DOCK5: variants seen among roughly 807,000 people sequenced by gnomAD.
The protein encoded by DOCK5 is dedicator of cytokinesis 5.
Under a neutral mutation model 251.8 loss-of-function variants are expected in DOCK5, and 142 were observed. That is an observed-to-expected ratio of 0.56 (90% CI 0.49 to 0.65). DOCK5 has a LOEUF of 0.65. DOCK5 is among the 30% of genes least tolerant of loss of function. DOCK5 has a pLI of 0.00. For synonymous variants in DOCK5, 842 were observed against 835.5 expected (o/e 1.01, Z -0.13); for missense variants, 2,111 against 2,312.3 (o/e 0.91, Z 1.79).
intron 2 of DOCK5, among the ~76,000 whole-genome samples, chr8:25,249,327 T>C (rs1170961013): frequency 1.3e-5 from 2 of 152,192 alleles, no homozygotes; most frequent in Admixed American, 6.5e-5. Context: ...TTGTTTTTAA[T>C]AACAGCTTTC....
chr8:25,389,301 A>G, intron 41 of DOCK5, 69 bp downstream of exon 41: 1 of 1,558,278 alleles, frequency 6.4e-7, no homozygotes, highest in South Asian at 1.2e-5. Flanking sequence ...TAAGCCAGAG[A>G]ACATAGGAGC....
rs1483861969 is a variant in DOCK5 at position 25,407,965 on chromosome 8, C to T, written c.5094-18C>T. Reference sequence around the variant, plus strand: ...GTGATCAGTATTTGTGATGTTTGTCCTTGTTCCTGGCCAATAGCTCAATCT... The same window carrying T: ...GTGATCAGTATTTGTGATGTTTGTCTTTGTTCCTGGCCAATAGCTCAATCT... On this transcript the variant is annotated intron_variant, in intron 48 of 51. Coordinates refer to ENST00000276440, the MANE Select transcript of DOCK5 (RefSeq NM_024940.8). 1.9e-6 allele frequency: 3 copies of T among 1,604,456 alleles called. No individual in the cohort carries two copies. Among genetic ancestry groups the T allele is most frequent in the Non-Finnish European group, 2.6e-6 (3 of 1,175,506 alleles).
intron 1 of DOCK5, among the ~76,000 whole-genome samples, chr8:25,232,943 A>AT (rs1036880303): frequency 7.2e-5 from 11 of 151,858 alleles, no homozygotes; most frequent in South Asian, 4.2e-4. Flanking sequence ...TTTTCCAGTG[A>AT]TTTTTTTCTT....
chr8:25,370,706 C>T (rs1033412014), intron 34 of DOCK5, among the ~76,000 whole-genome samples: 5 of 152,078 alleles, frequency 3.3e-5, no homozygotes, highest in Non-Finnish European at 2.9e-5. Flanking sequence ...GGGGTCTTGC[C>T]GTGTTGCCAA....
At chr8:25,410,310 C>T (rs1364394019) in intron 51 of DOCK5, 108 bp downstream of exon 51, 2 of 873,784 alleles carry the variant, frequency 2.3e-6, no homozygotes, top group African/African-American at 1.7e-5. Context: ...AGACCTGTCA[C>T]TGCAGTCGAT....
intron 17 of DOCK5, among the ~76,000 whole-genome samples, chr8:25,324,684 T>A (rs1391061208): frequency 2.0e-5 from 3 of 152,220 alleles, no homozygotes; most frequent in African/African-American, 7.2e-5. Context: ...AGGGTACATG[T>A]GCACAACGTG....
chr8:25,306,521 T>C (rs6992630), intron 11 of DOCK5, among the ~76,000 whole-genome samples: 15,910 of 151,972 alleles, frequency 0.1, 1,083 homozygotes, highest in Middle Eastern at 0.16. Context: ...GGTGAAACCC[T>C]GTCTCTACTA....
rs372716834 is a variant in DOCK5 at position 25,374,886 on chromosome 8, C to A, written c.3816+232C>A. ...TAGAAAGCAGAGCACGACTTATGAACCTTTGGTAATTGACACTCTAATTAA... is the reference window on the plus strand; with the variant it reads ...TAGAAAGCAGAGCACGACTTATGAAACTTTGGTAATTGACACTCTAATTAA... On this transcript the variant is annotated intron_variant, in intron 37 of 51. Transcript: ENST00000276440. The A allele has an allele frequency of 8.9e-6, 12 of 1,342,906 alleles. No homozygotes were observed. The East Asian group carries it at 9.6e-5, about 11-fold the overall frequency. The allele number at this position is 1,342,906 out of a possible 1,614,324, so 83.2% of individuals were successfully genotyped here. A position where few individuals can be genotyped will look rare whatever the true frequency, so the allele number is the denominator to read the frequency against.
intron 2 of DOCK5, among the ~76,000 whole-genome samples, chr8:25,259,697 G>A (rs1383244839): frequency 6.6e-6 from 1 of 152,180 alleles, no homozygotes; most frequent in African/African-American, 2.4e-5. Flanking sequence ...CTGTCCTCAA[G>A]CGATCCTCCT....
At chr8:25,362,622 A>G (rs1465255984) in intron 28 of DOCK5, among the ~76,000 whole-genome samples, 1 of 151,364 alleles carries the variant, frequency 6.6e-6, no homozygotes, top group African/African-American at 2.4e-5. Context: ...ATACACCACC[A>G]TGCCCGGCAA....
rs1364255413 is a variant in DOCK5, at chr8:25,369,580, C to G, written c.3463C>G (p.Leu1155Val). The G allele has an allele frequency of 6.2e-7, 1 of 1,611,496 alleles. No individual in the cohort carries two copies. The highest frequency in any genetic ancestry group is 1.7e-5 in the Admixed American group (1 of 59,646). Reference protein sequence around the residue: ...HMFENELITKLDQEVEGGRGD... With the variant: ...HMFENELITKVDQEVEGGRGD... ...GTTTGAGAATGAGCTGATCACAAAGCTGGACCAGGAGGTAGAAGGGGGCAG... is the reference window on the plus strand; with the variant it reads ...GTTTGAGAATGAGCTGATCACAAAGGTGGACCAGGAGGTAGAAGGGGGCAG... The change falls in exon 34 of 52, where the codon CTG becomes GTG. Residue 1155 changes from leucine (L) to valine (V), a missense_variant. Leu to Val is a conservative substitution (Grantham distance 32). Around this residue, in one of 3 missense-constraint regions of DOCK5, gnomAD observed 1,717 missense variants for 1,892.4 expected, o/e 0.91. Transcript: ENST00000276440.
chr8:25,197,851 C>T (rs907729152), intron 1 of DOCK5, among the ~76,000 whole-genome samples: 3 of 150,512 alleles, frequency 2.0e-5, no homozygotes, highest in South Asian at 4.2e-4. Flanking sequence ...CCCTGTTTCA[C>T]GCCATTCTCC....
rs1801681297 is a variant in DOCK5, at chr8:25,414,685, AAGAT to A, written c.*3391_*3394del. 1 of 152,156 alleles carries A rather than the reference AAGAT, an allele frequency of 6.6e-6. No individual in the cohort carries two copies. The highest frequency in any genetic ancestry group is 2.4e-5 in the African/African-American group (1 of 41,420). The allele number at this position is 152,156 out of a possible 1,614,324, so 9.4% of individuals were successfully genotyped here. The stretch of plus-strand genomic sequence containing the variant: ...GCTATTTGCCCACATCCGTGCCTCT[AAGAT>A]AGAGACATACACTGTTTTCAGCACC... On this transcript the variant is annotated 3_prime_UTR_variant, in exon 52 of 52. Coordinates refer to ENST00000276440, the MANE Select transcript of DOCK5 (RefSeq NM_024940.8).
At chr8:25,399,871 G>A in intron 45 of DOCK5, 40 bp from the exon 46 acceptor site, 2 of 1,489,934 alleles carry the variant, frequency 1.3e-6, no homozygotes, top group Non-Finnish European at 1.9e-6. Context: ...GCACAGATAG[G>A]AATGTGTTCT....
chr8:25,371,267 G>GTC (rs1353419420), intron 34 of DOCK5, among the ~76,000 whole-genome samples: 1 of 152,110 alleles, frequency 6.6e-6, no homozygotes, highest in East Asian at 1.9e-4. Flanking sequence ...GGCCAGGGTG[G>GTC]TCTCCATCTC....
intron 2 of DOCK5, among the ~76,000 whole-genome samples, chr8:25,255,771 A>G (rs1243697734): frequency 6.6e-6 from 1 of 152,200 alleles, no homozygotes; most frequent in Non-Finnish European, 1.5e-5. Context: ...TTGTCAGGGG[A>G]CAAGAGGTAT....
intron 1 of DOCK5, among the ~76,000 whole-genome samples, chr8:25,209,172 C>CCTCAGCCTCAAATGAATGGGCACCAGG (rs1802073300): frequency 5.2e-5 from 1 of 19,186 alleles, no homozygotes. Context: ...AGGCTCAGAG[C>CCTCAGCCTCAAATGAATGGGCACCAGG]ACATTAGCGC....
intron 44 of DOCK5, among the ~76,000 whole-genome samples, chr8:25,393,875 G>T (rs942052059): frequency 2.6e-5 from 4 of 152,188 alleles, no homozygotes. Context: ...ATGGCACTTA[G>T]CCTAAAGTAG....
At chr8:25,386,170 T>C (rs748908590) in intron 40 of DOCK5, among the ~76,000 whole-genome samples, 3 of 152,200 alleles carry the variant, frequency 2.0e-5, no homozygotes, top group Non-Finnish European at 4.4e-5. Flanking sequence ...ATTAGCTGTA[T>C]AGATCTGGAA....
Sources: allele counts gnomAD v4.1 joint callset (sites outside exome capture counted in the v4.1 genomes callset), GRCh38; gene constraint gnomAD v4.1.1; regional missense constraint gnomAD v4.1.1; transcripts MANE v1.5; gene names NCBI Gene and HGNC (gene_info 2026-07-23, HGNC 2026-07-21).